GNAL: variants seen among roughly 807,000 people sequenced by gnomAD.
GNAL encodes guanine nucleotide-binding protein G(olf) subunit alpha.
GNAL carries 18 observed loss-of-function variants against 55.1 expected under a neutral mutation model. The ratio of observed to expected loss-of-function variants is 0.33; its 90% CI spans 0.23 to 0.48. The LOEUF is 0.48. Among genes scored for constraint, GNAL ranks in the 20% least tolerant of loss-of-function variants. The pLI, the probability that GNAL is intolerant of heterozygous loss-of-function variation, is 0.99. For missense variants in GNAL, 412 were observed against 614.1 expected (o/e 0.67, Z 3.48); for synonymous variants, 253 against 237.0 (o/e 1.07, Z -0.62).
chr18:11,703,991 G>T (rs2143331562), intron 1 of GNAL, among the ~76,000 whole-genome samples: 1 of 152,242 alleles, frequency 6.6e-6, no homozygotes, highest in East Asian at 1.9e-4. Context: ...ATTCCTACAG[G>T]TTATCCTAAC....
intron 4 of GNAL, among the ~76,000 whole-genome samples, chr18:11,817,043 G>A (rs1461660390): frequency 2.0e-5 from 3 of 152,182 alleles, no homozygotes. Context: ...TCGTGTGATA[G>A]AGGAATTCTA....
At chr18:11,858,328 T>TA (rs1374954500) in intron 5 of GNAL, among the ~76,000 whole-genome samples, 1 of 152,242 alleles carries the variant, frequency 6.6e-6, no homozygotes, top group East Asian at 1.9e-4. Flanking sequence ...AGTGATTTTT[T>TA]ACAATGCTAA....
chr18:11,760,082 A>G (rs2033191537), intron 4 of GNAL, among the ~76,000 whole-genome samples: 1 of 152,066 alleles, frequency 6.6e-6, no homozygotes, highest in Non-Finnish European at 1.5e-5. Context: ...CCTGAGGACC[A>G]GGCCTCTTTC....
intron 5 of GNAL, among the ~76,000 whole-genome samples, chr18:11,846,357 CTATT>C (rs1364719170): frequency 1.3e-5 from 2 of 151,056 alleles, no homozygotes; most frequent in Non-Finnish European, 2.9e-5. Flanking sequence ...TGCTGCTGTT[CTATT>C]TCTTTCTCTT....
rs1179833581 is a variant in GNAL at position 11,689,557 on chromosome 18, C to T, written c.-7C>T. The stretch of plus-strand genomic sequence containing the variant: ...CCCGCGCGCCGCCCCCGCTGTGCCG[C>T]GCCCACATGGGTCTGTGCTACAGTC... On this transcript the variant is annotated 5_prime_UTR_variant, in exon 1 of 12. Coordinates refer to ENST00000334049, the MANE Select transcript of GNAL (RefSeq NM_182978.4). 2.4e-6 allele frequency: 3 copies of T among 1,237,660 alleles called. No individual in the cohort carries two copies. The highest frequency in any genetic ancestry group is 1.6e-5 in the African/African-American group (1 of 63,536). 76.7% of individuals were successfully genotyped at this position (1,237,660 alleles called of 1,614,324 possible).
intron 1 of GNAL, among the ~76,000 whole-genome samples, chr18:11,739,485 A>G (rs572325594): frequency 6.6e-6 from 1 of 152,302 alleles, no homozygotes; most frequent in Admixed American, 6.5e-5. Flanking sequence ...TATTGAGACA[A>G]TAAGTGTGTC....
intron 1 of GNAL, among the ~76,000 whole-genome samples, chr18:11,696,920 A>G (rs1258405569): frequency 1.3e-5 from 2 of 152,226 alleles, no homozygotes; most frequent in Non-Finnish European, 2.9e-5. Flanking sequence ...GTTAGAGCAC[A>G]GCACTGGAGT....
At chr18:11,690,227 T>C (rs1294878532) in intron 1 of GNAL, among the ~76,000 whole-genome samples, 1 of 152,126 alleles carries the variant, frequency 6.6e-6, no homozygotes, top group Non-Finnish European at 1.5e-5. Context: ...AATGAGCCTC[T>C]CTGGGAAGTC....
intron 5 of GNAL, among the ~76,000 whole-genome samples, chr18:11,860,331 C>CT (rs1257370378): frequency 6.6e-6 from 1 of 152,180 alleles, no homozygotes; most frequent in Non-Finnish European, 1.5e-5. Flanking sequence ...GTTTTGGCCA[C>CT]TAGGGACTGT....
Position 11,880,975 on chromosome 18 carries a change from GCT to G in GNAL, c.1231-7_1231-6del, listed in dbSNP as rs745791037. On this transcript the variant is annotated splice_polypyrimidine_tract_variant and intron_variant, in intron 11 of 11. Transcript: ENST00000334049. Reference sequence around the variant, plus strand: ...GGGGCCGCGCAGGGCTAGTGCACACGCTCTCTCTTGCAGAGGATCAGCACGGC... The same window carrying G: ...GGGGCCGCGCAGGGCTAGTGCACACGCTCTCTTGCAGAGGATCAGCACGGC... The G allele has an allele frequency of 8.7e-6, 14 of 1,612,236 alleles. 1 individual carries two copies. In the South Asian group the frequency reaches 1.4e-4, roughly 16 times the overall value.
chr18:11,727,142 T>G (rs2032230860), intron 1 of GNAL, among the ~76,000 whole-genome samples: 1 of 152,106 alleles, frequency 6.6e-6, no homozygotes, highest in South Asian at 2.1e-4. Context: ...CCCTCTGCTC[T>G]CACTGGGTCC....
intron 5 of GNAL, among the ~76,000 whole-genome samples, chr18:11,845,356 A>T (rs1172799383): frequency 6.6e-6 from 1 of 152,114 alleles, no homozygotes; most frequent in African/African-American, 2.4e-5. Context: ...TTTCAGAATA[A>T]ACTATGTTTC....
chr18:11,745,188 T>C (rs188290512), intron 1 of GNAL, among the ~76,000 whole-genome samples: 1 of 152,372 alleles, frequency 6.6e-6, no homozygotes, highest in Admixed American at 6.5e-5. Context: ...GTTTTCAAAC[T>C]TGATCAGCAT....
chr18:11,710,030 A>C (rs2031799702), intron 1 of GNAL, among the ~76,000 whole-genome samples: 1 of 152,172 alleles, frequency 6.6e-6, no homozygotes, highest in Non-Finnish European at 1.5e-5. Flanking sequence ...GAATTTTGTT[A>C]AATGCTTTTT....
chr18:11,721,473 G>A (rs970870645), intron 1 of GNAL, among the ~76,000 whole-genome samples: 3 of 151,984 alleles, frequency 2.0e-5, no homozygotes, highest in Non-Finnish European at 4.4e-5. Flanking sequence ...AGTCTCACCG[G>A]CTGGACACGG....
intron 4 of GNAL, among the ~76,000 whole-genome samples, chr18:11,802,318 CTTACTGGA>C (rs1321439133): frequency 6.6e-6 from 1 of 152,154 alleles, no homozygotes; most frequent in Non-Finnish European, 1.5e-5. Flanking sequence ...ATGTCAAGTC[CTTACTGGA>C]TTACCTGAAC....
At chr18:11,749,678 C>T (rs940803567) in intron 1 of GNAL, among the ~76,000 whole-genome samples, 6 of 152,146 alleles carry the variant, frequency 3.9e-5, no homozygotes, top group Non-Finnish European at 8.8e-5. Context: ...TGGGTGAGAC[C>T]AGCGGAGAAT....
chr18:11,740,293 C>T (rs1285100310), intron 1 of GNAL, among the ~76,000 whole-genome samples: 1 of 152,060 alleles, frequency 6.6e-6, no homozygotes, highest in Non-Finnish European at 1.5e-5. Flanking sequence ...TCCGACATAA[C>T]AGTGTTCCAG....
intron 4 of GNAL, among the ~76,000 whole-genome samples, chr18:11,764,701 G>C (rs1289719977): frequency 1.3e-5 from 2 of 152,082 alleles, no homozygotes; most frequent in Admixed American, 6.6e-5. Flanking sequence ...CCTGAGCCTG[G>C]GAGGCAGAGG....
Sources: gnomAD v4.1 joint callset for allele counts (sites outside exome capture counted in the v4.1 genomes callset) on GRCh38, gnomAD v4.1.1 for gene constraint, MANE v1.5 for transcripts, NCBI Gene and HGNC (gene_info 2026-07-23, HGNC 2026-07-21) for gene names.